Variants in CDH18 observed in about 807,000 individuals in gnomAD.
CDH18 encodes cadherin-18.
In CDH18, 31 loss-of-function variants were observed where a neutral mutation model predicts 67.9. The observed-to-expected ratio is 0.46, with a 90% CI of 0.34 to 0.62. The LOEUF (loss-of-function observed/expected upper bound fraction) is 0.62, where lower values mean the gene tolerates loss of function less well. Among genes scored for constraint, CDH18 ranks in the 20% least tolerant of loss-of-function variants. The pLI is 0.01. For synonymous variants in CDH18, 362 were observed against 347.2 expected (o/e 1.04, Z -0.48); for missense variants, 890 against 975.5 (o/e 0.91, Z 1.17).
intron 1 of CDH18, among the ~76,000 whole-genome samples, chr5:20,333,546 CACACAT>C (rs1204878476): frequency 1.4e-5 from 2 of 146,728 alleles, no homozygotes; most frequent in Non-Finnish European, 3.0e-5. Context: ...CACACACACA[CACACAT>C]ATATGTATAT....
At chr5:20,310,600 T>G (rs1438073207) in intron 1 of CDH18, among the ~76,000 whole-genome samples, 1 of 152,206 alleles carries the variant, frequency 6.6e-6, no homozygotes, top group Non-Finnish European at 1.5e-5. Flanking sequence ...AAAAGTGAGA[T>G]GAGTTCATAT....
chr5:20,363,356 G>A (rs1299391631), intron 1 of CDH18, among the ~76,000 whole-genome samples: 7 of 151,564 alleles, frequency 4.6e-5, no homozygotes, highest in African/African-American at 9.7e-5. Flanking sequence ...GTGGTGGCAC[G>A]TGCCTGTAAT....
At chr5:20,493,829 C>G (rs190522827) in intron 1 of CDH18, among the ~76,000 whole-genome samples, 13 of 152,056 alleles carry the variant, frequency 8.5e-5, no homozygotes, top group Non-Finnish European at 1.6e-4. Context: ...ACTCCTTGCT[C>G]AGAAGTTATA....
chr5:19,900,694 GGATA>G (rs564623860), intron 2 of CDH18, among the ~76,000 whole-genome samples: 152 of 152,086 alleles, frequency 1.0e-3, no homozygotes, highest in African/African-American at 3.6e-3. Flanking sequence ...AAGAATGAAT[GGATA>G]TATACCAATT....
intron 6 of CDH18, among the ~76,000 whole-genome samples, chr5:19,608,127 A>G (rs1748357961): frequency 6.6e-6 from 1 of 151,754 alleles, no homozygotes; most frequent in African/African-American, 2.4e-5. Flanking sequence ...GAAAATTGGA[A>G]TGGTACAAGG....
chr5:19,747,991 T>C (rs1379445099), intron 3 of CDH18, among the ~76,000 whole-genome samples: 1 of 149,840 alleles, frequency 6.7e-6, no homozygotes, highest in Non-Finnish European at 1.5e-5. Context: ...CGGGCGCCTG[T>C]AGTCCCAGCT....
intron 1 of CDH18, among the ~76,000 whole-genome samples, chr5:20,270,154 T>G (rs2126661368): frequency 6.7e-6 from 1 of 148,248 alleles, no homozygotes; most frequent in South Asian, 2.1e-4. Flanking sequence ...GAGATTTCTT[T>G]GTTTAAAAAA....
chr5:19,799,560 T>C (rs1332645688), intron 3 of CDH18, among the ~76,000 whole-genome samples: 1 of 150,358 alleles, frequency 6.7e-6, no homozygotes, highest in East Asian at 2.0e-4. Context: ...GGTATAAACA[T>C]GTGTCTAAAT....
At chr5:20,574,293 A>G (rs1195882443) in intron 1 of CDH18, among the ~76,000 whole-genome samples, 1 of 152,008 alleles carries the variant, frequency 6.6e-6, no homozygotes, top group African/African-American at 2.4e-5. Context: ...ATAATTCTAA[A>G]TTCAGACATG....
intron 1 of CDH18, 146 bp downstream of exon 1, chr5:19,987,940 C>T (rs74564595): frequency 0.031 from 4,662 of 152,266 alleles, 133 homozygotes; most frequent in Admixed American, 0.094. Flanking sequence ...CTACAACTTT[C>T]CCCTCAGCCC....
At chr5:20,107,156 C>T (rs533290996) in intron 2 of CDH18, among the ~76,000 whole-genome samples, 1 of 151,584 alleles carries the variant, frequency 6.6e-6, no homozygotes, top group East Asian at 2.0e-4. Context: ...TCTCCTCTCA[C>T]TGCAAGCTCC....
chr5:20,140,543 G>C (rs1750163885), intron 2 of CDH18, among the ~76,000 whole-genome samples: 1 of 151,970 alleles, frequency 6.6e-6, no homozygotes. Context: ...TAACTCTCCA[G>C]TCCTGAGGTG....
rs943942507 is a variant in CDH18 at position 20,250,446 on chromosome 5, C to T, written c.-518+4998G>A. ...TAGCTGGGACTGCAGGCGCCCGCCA[C>T]CACGCCCAGTTAATTTTTGTATTTT... On this transcript the variant is annotated intron_variant, in intron 2 of 14. Transcript: ENST00000507958. 2.0e-5 allele frequency among the ~76,000 whole-genome samples: 3 copies of T among 151,888 alleles called. No individual in the cohort carries two copies. In the South Asian group the frequency reaches 6.2e-4, roughly 32 times the overall value.
intron 2 of CDH18, among the ~76,000 whole-genome samples, chr5:20,027,158 G>A (rs898739393): frequency 5.3e-5 from 8 of 152,082 alleles, no homozygotes; most frequent in Non-Finnish European, 7.4e-5. Context: ...AATCAATAAT[G>A]TATGATTAAA....
At chr5:19,720,159 G>C (rs567776594) in intron 5 of CDH18, among the ~76,000 whole-genome samples, 1 of 152,178 alleles carries the variant, frequency 6.6e-6, no homozygotes, top group South Asian at 2.1e-4. Flanking sequence ...AGTTGGATGT[G>C]CCTCACATAA....
At chr5:20,008,881 A>G (rs542787903) in intron 2 of CDH18, among the ~76,000 whole-genome samples, 10 of 152,286 alleles carry the variant, frequency 6.6e-5, no homozygotes, top group African/African-American at 1.7e-4. Flanking sequence ...ATACATGAGA[A>G]GCAGACTTGT....
intron 3 of CDH18, among the ~76,000 whole-genome samples, chr5:19,827,581 G>C (rs1019785963): frequency 5.3e-5 from 8 of 152,110 alleles, no homozygotes; most frequent in African/African-American, 1.9e-4. Context: ...TGAATACTAA[G>C]AAAATTGCTC....
chr5:20,254,351 A>T (rs1469538222), intron 2 of CDH18, among the ~76,000 whole-genome samples: 1 of 152,154 alleles, frequency 6.6e-6, no homozygotes, highest in Non-Finnish European at 1.5e-5. Context: ...ACCTCAGGTG[A>T]TCAGCCTGCC....
At chr5:20,176,939 T>C (rs1210061715) in intron 2 of CDH18, among the ~76,000 whole-genome samples, 2 of 152,252 alleles carry the variant, frequency 1.3e-5, no homozygotes, top group Admixed American at 6.6e-5. Context: ...TCGATATATA[T>C]TAAAAACCAA....
Sources: allele counts gnomAD v4.1 joint callset (sites outside exome capture counted in the v4.1 genomes callset), GRCh38; gene constraint gnomAD v4.1.1; transcripts MANE v1.5; gene names NCBI Gene and HGNC (gene_info 2026-07-23, HGNC 2026-07-21).